The following UBN1 variants were observed in gnomAD, a reference collection of about 807,000 sequenced individuals.
UBN1 encodes the protein ubinuclein 1.
A neutral mutation model predicts 108.5 loss-of-function variants in UBN1; 17 were observed. The ratio of observed to expected loss-of-function variants is 0.16; its 90% CI spans 0.11 to 0.24. The LOEUF is 0.24. Ranked by LOEUF, UBN1 falls within the 10% of genes least tolerant of loss-of-function variation. The probability of loss-of-function intolerance (pLI) is 1.00; values close to 1 mark genes in which losing one functional copy is unlikely to be tolerated. For synonymous variants in UBN1, 726 were observed against 564.2 expected (o/e 1.29, Z -4.07); for missense variants, 1,595 against 1,394.4 (o/e 1.14, Z -2.29).
intron 15 of UBN1, among the ~76,000 whole-genome samples, chr16:4,876,492 T>C (rs1239708786): frequency 6.6e-6 from 1 of 152,002 alleles, no homozygotes; most frequent in East Asian, 1.9e-4. Flanking sequence ...TCCATGAACA[T>C]TTATGGATAT....
chr16:4,864,143 C>G (rs1211344328), intron 7 of UBN1, among the ~76,000 whole-genome samples: 1 of 133,130 alleles, frequency 7.5e-6, no homozygotes, highest in East Asian at 2.2e-4. Context: ...TGCAGTGGTG[C>G]AATCTCAGCT....
Position 4,870,534 on chromosome 16 carries a change from C to T in UBN1, c.1330C>T (p.Pro444Ser), listed in dbSNP as rs2087577897. The T allele has an allele frequency of 1.9e-6, 3 of 1,614,106 alleles. No homozygotes were observed. Among genetic ancestry groups the T allele is most frequent in the African/African-American group, 1.3e-5 (1 of 74,946 alleles). ...TTCGCAGGGGGGCCGTCTGAAGGAG[C>T]CTCTCCAGAAGCTCAAGGAAGCCAT... ...LYEQGGRLKE[P>S]LQKLKEAIGR... The change falls in exon 10 of 18, where the codon CCT becomes TCT. Residue 444 changes from proline (P) to serine (S), a missense_variant. Pro to Ser is a moderately conservative substitution (Grantham distance 74). Coordinates refer to ENST00000262376, the MANE Select transcript of UBN1 (RefSeq NM_001079514.3).
intron 2 of UBN1, among the ~76,000 whole-genome samples, chr16:4,854,317 G>A (rs2086693688): frequency 1.3e-5 from 2 of 148,920 alleles, no homozygotes; most frequent in Admixed American, 6.8e-5. Flanking sequence ...ACAGGCATGA[G>A]CCACAGCACC....
chr16:4,871,310 C>T lies in UBN1; in HGVS notation c.1706+9C>T, dbSNP rs755021457. ...GGCTGGATGCAGGCCAGGTGAGGGC[C>T]GTGTGCTGAGATGGGCATCTGTGCA... On this transcript the variant is annotated intron_variant, in intron 12 of 17. Coordinates refer to ENST00000262376, the MANE Select transcript of UBN1 (RefSeq NM_001079514.3). 3.1e-6 allele frequency: 5 copies of T among 1,612,706 alleles called. No homozygotes were observed. Among genetic ancestry groups the T allele is most frequent in the East Asian group, 2.2e-5 (1 of 44,876 alleles).
At chr16:4,862,329 C>A (rs1437199609) in intron 7 of UBN1, among the ~76,000 whole-genome samples, 2 of 152,236 alleles carry the variant, frequency 1.3e-5, no homozygotes, top group Non-Finnish European at 2.9e-5. Context: ...AATAAAGTAT[C>A]TATTCAAAGC....
intron 1 of UBN1, among the ~76,000 whole-genome samples, chr16:4,849,120 GAAA>G (rs200216557): frequency 6.6e-6 from 1 of 151,284 alleles, no homozygotes; most frequent in East Asian, 1.9e-4. Context: ...AAAGAAAAAA[GAAA>G]AAAAAATCTC....
In UBN1 at chr16:4,880,280, T is replaced by G. The variant is rs914899258; in HGVS notation, c.*148T>G. The stretch of plus-strand genomic sequence containing the variant: ...TCAGCGGAGCGCTTCTCGGCACTTC[T>G]GATGTGCCTCCCATGGAGGGAGCCG... On this transcript the variant is annotated 3_prime_UTR_variant, in exon 18 of 18. Transcript: ENST00000262376. 3.4e-6 allele frequency: 3 copies of G among 887,050 alleles called. No individual in the cohort carries two copies. The highest frequency in any genetic ancestry group is 3.3e-5 in the African/African-American group (2 of 60,188). The allele number at this position is 887,050 out of a possible 1,614,324, so 54.9% of individuals were successfully genotyped here.
Position 4,870,255 on chromosome 16 carries a change from G to C in UBN1, c.1225G>C (p.Gly409Arg). The change falls in exon 9 of 18, where the codon GGG becomes CGG. Residue 409 changes from glycine to arginine, a missense_variant. By Grantham distance (125) the Gly-to-Arg change is moderately radical. Coordinates refer to ENST00000262376, the MANE Select transcript of UBN1 (RefSeq NM_001079514.3). Reference sequence around the variant, plus strand: ...GGAGCTGAGCAGTCAGGTCCGCTCTGGGGTGTATGCCTATCTTGCGTCATT... The same window carrying C: ...GGAGCTGAGCAGTCAGGTCCGCTCTCGGGTGTATGCCTATCTTGCGTCATT... The part of the protein sequence containing the change: ...TRELSSQVRS[G>R]VYAYLASFLP... 1 of 1,614,244 alleles carries C rather than the reference G, an allele frequency of 6.2e-7. No individual in the cohort carries two copies. The highest frequency in any genetic ancestry group is 8.5e-7 in the Non-Finnish European group (1 of 1,180,040).
In UBN1 at chr16:4,880,238, TGGA is replaced by T. The variant is rs1372125837; in HGVS notation, c.*111_*113del. The stretch of plus-strand genomic sequence containing the variant: ...CCCTTTCTGCTGCTTGGTGTTCTTC[TGGA>T]GGAGCGTGAGTTCTCAGCGGAGCGC... On this transcript the variant is annotated 3_prime_UTR_variant, in exon 18 of 18. Coordinates refer to ENST00000262376, the MANE Select transcript of UBN1 (RefSeq NM_001079514.3). The T allele has an allele frequency of 1.5e-6, 2 of 1,302,808 alleles. No individual in the cohort carries two copies. The highest frequency in any genetic ancestry group is 2.9e-5 in the African/African-American group (2 of 68,832). 80.7% of individuals were successfully genotyped at this position (1,302,808 alleles called of 1,614,324 possible).
intron 7 of UBN1, among the ~76,000 whole-genome samples, chr16:4,862,537 A>G (rs1234219630): frequency 6.6e-6 from 1 of 152,228 alleles, no homozygotes; most frequent in African/African-American, 2.4e-5. Context: ...ATGTTAACCA[A>G]ACATTACTCC....
intron 7 of UBN1, among the ~76,000 whole-genome samples, chr16:4,868,219 TTAAC>T (rs2087431225): frequency 6.6e-6 from 1 of 152,196 alleles, no homozygotes; most frequent in Non-Finnish European, 1.5e-5. Context: ...AGGGTGTGTG[TTAAC>T]TGTGTTCTTT....
intron 7 of UBN1, among the ~76,000 whole-genome samples, chr16:4,865,566 G>A (rs2142206036): frequency 6.6e-6 from 1 of 152,256 alleles, no homozygotes; most frequent in East Asian, 1.9e-4. Flanking sequence ...AGCTGCTTGG[G>A]AAGCTGAGGC....
intron 2 of UBN1, among the ~76,000 whole-genome samples, chr16:4,853,800 G>C (rs1330468117): frequency 1.3e-5 from 2 of 152,044 alleles, no homozygotes; most frequent in African/African-American, 4.8e-5. Flanking sequence ...GGCCTCAAGT[G>C]ATCTGCCTGC....
intron 15 of UBN1, among the ~76,000 whole-genome samples, chr16:4,876,138 T>G (rs545538621): frequency 3.9e-5 from 6 of 152,084 alleles, no homozygotes; most frequent in Non-Finnish European, 8.8e-5. Context: ...TTTTGTGTTT[T>G]TAGTAGAGAT....
chr16:4,864,892 A>T (rs2087251659), intron 7 of UBN1, among the ~76,000 whole-genome samples: 1 of 152,206 alleles, frequency 6.6e-6, no homozygotes, highest in African/African-American at 2.4e-5. Context: ...AACTTGTTTG[A>T]TCTTTTTAAA....
intron 7 of UBN1, among the ~76,000 whole-genome samples, chr16:4,862,137 T>G (rs2087096170): frequency 1.3e-5 from 2 of 152,248 alleles, no homozygotes; most frequent in African/African-American, 4.8e-5. Flanking sequence ...TCAGGACTTG[T>G]GATGCAGCTC....
At chr16:4,857,351 CAAA>C (rs33959421) in intron 2 of UBN1, among the ~76,000 whole-genome samples, 13 of 121,030 alleles carry the variant, frequency 1.1e-4, no homozygotes, top group Admixed American at 8.6e-5. Flanking sequence ...ACTCTTATCT[CAAA>C]AAAAAAAAAA....
intron 3 of UBN1, 66 bp downstream of exon 3, chr16:4,858,142 C>A: frequency 9.8e-7 from 1 of 1,017,278 alleles, no homozygotes; most frequent in Non-Finnish European, 1.5e-6. Context: ...CACTGTATTC[C>A]TTTAGTGGAT....
At position 4,880,196 on chromosome 16, in the gene UBN1, G is replaced by A. The variant is rs1384846911; in HGVS notation, c.*64G>A. 6.5e-7 allele frequency: 1 copy of A among 1,542,832 alleles called. No homozygotes were observed. On this transcript the variant is annotated 3_prime_UTR_variant, in exon 18 of 18. Coordinates refer to ENST00000262376, the MANE Select transcript of UBN1 (RefSeq NM_001079514.3). The stretch of plus-strand genomic sequence containing the variant: ...GAATCAGAACGTGCAGGTCTCCCAG[G>A]ATGTACACTCACTGCGCCCTTTCTG...
Sources: gnomAD v4.1 joint callset for allele counts (sites outside exome capture counted in the v4.1 genomes callset) on GRCh38, gnomAD v4.1.1 for gene constraint, MANE v1.5 for transcripts, NCBI Gene and HGNC (gene_info 2026-07-23, HGNC 2026-07-21) for gene names.